CLUH: variants seen among roughly 807,000 people sequenced by gnomAD.
CLUH encodes CLUH binding protein of NUMT mRNA.
In CLUH, 77 loss-of-function variants were observed where a neutral mutation model predicts 139.3. That is an observed-to-expected ratio of 0.55 (90% CI 0.46 to 0.67). CLUH has a LOEUF of 0.67. CLUH is among the 30% of genes least tolerant of loss of function. The probability of loss-of-function intolerance (pLI) is 0.00; values close to 1 mark genes in which losing one functional copy is unlikely to be tolerated. For missense variants in CLUH, 1,876 were observed against 1,875.8 expected, an observed-to-expected ratio of 1.00 and a Z score of 0.00; for synonymous variants, 999 against 801.6, an observed-to-expected ratio of 1.25 and a Z score of -4.16.
Position 2,690,787 on chromosome 17 carries a change from A to C in CLUH, c.3864-10T>G, listed in dbSNP as rs768251995. On this transcript the variant is annotated splice_polypyrimidine_tract_variant and intron_variant, in intron 25 of 25. Coordinates refer to ENST00000651024, the MANE Select transcript of CLUH (RefSeq NM_001366661.1). ...CTCCAGGTCTTTTTGGCTGAGGATA[A>C]GGGTGGGGATGGAGGTGGCTCTCAG... is the stretch of plus-strand genomic sequence containing the variant. 3 of 1,485,466 alleles carry C rather than the reference A, an allele frequency of 2.0e-6. No homozygotes were observed. The South Asian group carries it at 4.2e-5, about 21-fold the overall frequency. The allele number at this position is 1,485,466 out of a possible 1,614,324, so 92.0% of individuals were successfully genotyped here.
intron 13 of CLUH, 164 bp from the exon 14 acceptor site, chr17:2,695,690 A>G: frequency 2.0e-6 from 2 of 977,158 alleles, no homozygotes; most frequent in Non-Finnish European, 2.9e-6. Context: ...GCAGGAGCGC[A>G]GGCCAAGAAC....
At chr17:2,692,276 C>A in intron 22 of CLUH, 85 bp downstream of exon 22, 2 of 1,464,722 alleles carry the variant, frequency 1.4e-6, no homozygotes, top group South Asian at 1.3e-5. Flanking sequence ...TGGAGGAAGA[C>A]AGGAGCACTG....
chr17:2,691,723 C>T (rs1247842731), intron 24 of CLUH, 38 bp downstream of exon 24: 12 of 1,603,054 alleles, frequency 7.5e-6, no homozygotes, highest in Non-Finnish European at 1.0e-5. Flanking sequence ...GGCTCCCGCG[C>T]TCGCCGGGCC....
At chr17:2,700,570 G>A (rs895153502) in intron 8 of CLUH, 96 bp from the exon 9 acceptor site, 1 of 1,540,756 alleles carries the variant, frequency 6.5e-7, no homozygotes, top group African/African-American at 1.4e-5. Flanking sequence ...AAGAGCCCCA[G>A]ACTCCCAAAT....
Position 2,700,668 on chromosome 17 carries a change from T to C in CLUH, c.1173+10A>G. ...GGTGCCCAGCGAGGGCAGGGCCAGG[T>C]TGCAGGCACCTGTCCAGGAATGTGC... On this transcript the variant is annotated intron_variant, in intron 8 of 25. Transcript: ENST00000651024. The C allele has an allele frequency of 6.6e-7, 1 of 1,518,678 alleles. No individual in the cohort carries two copies. The highest frequency in any genetic ancestry group is 1.3e-5 in the South Asian group (1 of 75,970). The allele number at this position is 1,518,678 out of a possible 1,614,324, so 94.1% of individuals were successfully genotyped here. A position where few individuals can be genotyped will look rare whatever the true frequency, so the allele number is the denominator to read the frequency against.
intron 25 of CLUH, among the ~76,000 whole-genome samples, chr17:2,691,139 C>T (rs1245666661): frequency 6.8e-6 from 1 of 147,446 alleles, no homozygotes; most frequent in Non-Finnish European, 1.5e-5. Flanking sequence ...AGCCCCCCCC[C>T]GCCGCAGGAT....
chr17:2,689,651 G>A lies in CLUH; in HGVS notation c.*943C>T. 6.5e-6 allele frequency: 1 copy of A among 153,054 alleles called. No individual in the cohort carries two copies. The highest frequency in any genetic ancestry group is 1.9e-4 in the East Asian group (1 of 5,196). 9.5% of individuals were successfully genotyped at this position (153,054 alleles called of 1,614,324 possible). ...CAGGCACAGAGCAGCAGCACGGGCA[G>A]GGTGGAGCGGGAGCAGCGTGTGGGG... is the stretch of plus-strand genomic sequence containing the variant. On this transcript the variant is annotated 3_prime_UTR_variant, in exon 26 of 26. Coordinates refer to ENST00000651024, the MANE Select transcript of CLUH (RefSeq NM_001366661.1).
chr17:2,698,539 C>G lies in CLUH; in HGVS notation c.1318G>C (p.Asp440His). 6.2e-7 allele frequency: 1 copy of G among 1,611,632 alleles called. No individual in the cohort carries two copies. The highest frequency in any genetic ancestry group is 8.5e-7 in the Non-Finnish European group (1 of 1,178,890). Residue 440 changes from aspartate to histidine, a missense_variant, in exon 10 of 26, where the codon GAC (aspartate) becomes CAC (histidine). Physicochemically the swap from Asp to His is moderately conservative, Grantham distance 81. Coordinates refer to ENST00000651024, the MANE Select transcript of CLUH (RefSeq NM_001366661.1). ...AATRGAMAVI[D>H]GNVMAINPSE... ...GGGTTGATGGCCATCACGTTGCCGT[C>G]AATGACGGCCATGGCGCCCCTGGTG...
At position 2,691,904 on chromosome 17, in the gene CLUH, A is replaced by C. The variant is rs1225578533; in HGVS notation, c.3655-9T>G. The stretch of plus-strand genomic sequence containing the variant: ...TCATGGTCCTCGCCCAGCTGCGGGG[A>C]GGCGGGAAGGGATCAGGCCCCCCCG... On this transcript the variant is annotated splice_polypyrimidine_tract_variant and intron_variant, in intron 23 of 25. Transcript: ENST00000651024. 140 of 1,518,300 alleles carry C rather than the reference A, an allele frequency of 9.2e-5. No homozygotes were observed. The highest frequency in any genetic ancestry group is 1.2e-4 in the Non-Finnish European group (132 of 1,136,142). 94.1% of individuals were successfully genotyped at this position (1,518,300 alleles called of 1,614,324 possible).
chr17:2,701,314 A>G, intron 6 of CLUH, 49 bp from the exon 7 acceptor site: 1 of 1,607,110 alleles, frequency 6.2e-7, no homozygotes, highest in Non-Finnish European at 8.5e-7. Context: ...GTCTGCCCAG[A>G]CCCAGGACGG....
intron 9 of CLUH, among the ~76,000 whole-genome samples, chr17:2,698,836 G>A (rs2070072300): frequency 6.6e-6 from 1 of 152,150 alleles, no homozygotes; most frequent in Non-Finnish European, 1.5e-5. Context: ...TTGAGGTCAC[G>A]AGTTCGAGAC....
chr17:2,691,262 T>G (rs982432617), intron 25 of CLUH, among the ~76,000 whole-genome samples: 2 of 152,064 alleles, frequency 1.3e-5, no homozygotes, highest in Non-Finnish European at 2.9e-5. Flanking sequence ...GCGAGGATGC[T>G]GGGGAAGATA....
rs2069607042 is a variant in CLUH, at chr17:2,691,090, T to C, written c.3864-313A>G. 2.7e-5 allele frequency among the ~76,000 whole-genome samples: 4 copies of C among 149,002 alleles called. No homozygotes were observed. The South Asian group carries it at 8.6e-4, about 32-fold the overall frequency. On this transcript the variant is annotated intron_variant, in intron 25 of 25. Coordinates refer to ENST00000651024, the MANE Select transcript of CLUH (RefSeq NM_001366661.1). ...ATCCACTCCCCACAGGAGGCCACACTGCTTGTGGCCACCCCGGGGAGCCCG... is the reference window on the plus strand; with the variant it reads ...ATCCACTCCCCACAGGAGGCCACACCGCTTGTGGCCACCCCGGGGAGCCCG...
intron 16 of CLUH, 95 bp from the exon 17 acceptor site, chr17:2,694,659 C>T: frequency 7.3e-7 from 1 of 1,364,620 alleles, no homozygotes. Flanking sequence ...AGCCCGGGCC[C>T]CCAACACTGC....
chr17:2,708,817 G>A, intron 1 of CLUH, among the ~76,000 whole-genome samples: 1 of 151,024 alleles, frequency 6.6e-6, no homozygotes, highest in South Asian at 2.1e-4. Flanking sequence ...AGCACCCACA[G>A]GTAGGCTGCA....
In CLUH at chr17:2,697,935, C is replaced by A. The variant is rs768600549; in HGVS notation, c.1922G>T (p.Cys641Phe). ...FPRAHRHKLC[C>F]LRQELVDAFV... ...GGCGTCCACCAGCTCCTGGCGCAGG[C>A]AGCAGAGCTTGTGCCGGTGGGCGCG... Residue 641 changes from cysteine to phenylalanine, a missense_variant, in exon 10 of 26, where the codon TGC becomes TTC. Physicochemically the swap from Cys to Phe is radical, Grantham distance 205. Transcript: ENST00000651024. The A allele has an allele frequency of 1.9e-6, 3 of 1,547,060 alleles. No homozygotes were observed. The highest frequency in any genetic ancestry group is 1.2e-5 in the South Asian group (1 of 84,188).
chr17:2,710,683 G>T (rs1434305493), intron 1 of CLUH, among the ~76,000 whole-genome samples: 1 of 152,092 alleles, frequency 6.6e-6, no homozygotes. Flanking sequence ...GAAGAGAAGG[G>T]GCTCAGGAGA....
intron 19 of CLUH, 56 bp downstream of exon 19, chr17:2,693,844 C>G: frequency 6.5e-7 from 1 of 1,549,764 alleles, no homozygotes; most frequent in Non-Finnish European, 8.7e-7. Flanking sequence ...GGGGCCCCCT[C>G]ACTCCCCATC....
chr17:2,708,053 G>A, intron 1 of CLUH: 1 of 970,648 alleles, frequency 1.0e-6, no homozygotes, highest in African/African-American at 1.8e-5. Flanking sequence ...CTGGCAGCAA[G>A]AGGCCAGTGG....
Sources: gnomAD v4.1 joint callset for allele counts (sites outside exome capture counted in the v4.1 genomes callset) on GRCh38, gnomAD v4.1.1 for gene constraint, MANE v1.5 for transcripts, NCBI Gene and HGNC (gene_info 2026-07-23, HGNC 2026-07-21) for gene names.